Variants in PRCP observed in about 807,000 individuals in gnomAD.
PRCP encodes lysosomal Pro-X carboxypeptidase.
In PRCP, 46 loss-of-function variants were observed where a neutral mutation model predicts 54.2. The observed-to-expected ratio is 0.85, with a 90% CI of 0.67 to 1.09. PRCP has a LOEUF of 1.09. Among genes scored for constraint, PRCP ranks in the 50% least tolerant of loss-of-function variants. PRCP has a pLI of 0.00. For synonymous variants in PRCP, 240 were observed against 212.2 expected, an observed-to-expected ratio of 1.13 and a Z score of -1.14; for missense variants, 613 against 596.8, an observed-to-expected ratio of 1.03 and a Z score of -0.28.
chr11:82,898,844 G>A (rs1308455222), intron 1 of PRCP, among the ~76,000 whole-genome samples: 3 of 152,154 alleles, frequency 2.0e-5, no homozygotes, highest in African/African-American at 4.8e-5. Flanking sequence ...AAATGTCTGG[G>A]TTAAAAATTG....
At chr11:82,882,854 A>AACACACACACACACAC (rs3222274) in intron 1 of PRCP, among the ~76,000 whole-genome samples, 2 of 71,986 alleles carry the variant, frequency 2.8e-5, no homozygotes, top group Non-Finnish European at 5.3e-5. Context: ...CTACCTGTGC[A>AACACACACACACACAC]ACACACACAC....
intron 1 of PRCP, among the ~76,000 whole-genome samples, chr11:82,881,024 A>G (rs1859737797): frequency 6.6e-6 from 1 of 152,170 alleles, no homozygotes; most frequent in Admixed American, 6.5e-5. Flanking sequence ...GCAACACTTT[A>G]TACTCATAGT....
intron 1 of PRCP, among the ~76,000 whole-genome samples, chr11:82,861,730 G>A (rs776588474): frequency 3.3e-5 from 5 of 152,150 alleles, no homozygotes; most frequent in Non-Finnish European, 7.4e-5. Context: ...CATTTTACAA[G>A]ACAATTGACA....
chr11:82,886,046 A>G lies in PRCP; in HGVS notation c.168+14189T>C, dbSNP rs568286599. ...AAAATAACTCATAGAGTTATTTTAG[A>G]AGTTTTCATAGTCCCCTTCTGATGC... On this transcript the variant is annotated intron_variant, in intron 1 of 8. Coordinates refer to ENST00000313010, the MANE Select transcript of PRCP (RefSeq NM_005040.4). Among the ~76,000 whole-genome samples the G allele has an allele frequency of 9.8e-5, 15 of 152,322 alleles. No homozygotes were observed. The East Asian group carries it at 2.9e-3, about 29-fold the overall frequency.
rs773906375 is a variant in PRCP at position 82,849,149 on chromosome 11, T to G, written c.821A>C (p.His274Pro). Residue 274 changes from histidine to proline, a missense_variant, in exon 6 of 9, where the codon CAT (histidine) becomes CCT (proline). His to Pro is a moderately conservative substitution (Grantham distance 77, BLOSUM62 -2). Transcript: ENST00000313010. ...CSPLTSQDIQHLKDWISETWV... is the reference protein window; with the variant it reads ...CSPLTSQDIQPLKDWISETWV... ...GGTTTCAGAGATCCAGTCTTTCAAA[T>G]GTTGGATGTCCTGAGAAGTTAATGG... 1 of 1,614,094 alleles carries G rather than the reference T, an allele frequency of 6.2e-7. No individual in the cohort carries two copies. Among genetic ancestry groups the G allele is most frequent in the Non-Finnish European group, 8.5e-7 (1 of 1,179,970 alleles).
At chr11:82,841,543 G>T (rs540498157) in intron 6 of PRCP, among the ~76,000 whole-genome samples, 1 of 152,170 alleles carries the variant, frequency 6.6e-6, no homozygotes, top group Non-Finnish European at 1.5e-5. Flanking sequence ...AAGATGGAGT[G>T]TGCATCATTG....
intron 2 of PRCP, among the ~76,000 whole-genome samples, chr11:82,854,981 G>A (rs1254464403): frequency 6.6e-6 from 1 of 152,172 alleles, no homozygotes; most frequent in African/African-American, 2.4e-5. Context: ...GCAGAAGATT[G>A]AAACTGGACC....
chr11:82,900,725 C>T, upstream of PRCP: 1 of 526,870 alleles, frequency 1.9e-6, no homozygotes, highest in East Asian at 4.9e-5. Flanking sequence ...GTAGCCCATG[C>T]TTTATCTATA....
At position 82,839,363 on chromosome 11, in the gene PRCP, G is replaced by T; in HGVS notation, c.984C>A (p.Phe328Leu). Residue 328 changes from phenylalanine (F) to leucine (L), a missense_variant, in exon 7 of 9, where the codon TTC (phenylalanine) becomes TTA (leucine). Transcript: ENST00000313010. ...VSDSLLLQNI[F>L]QALNVYYNYS... ...AATTGTAATATACATTCAGAGCTTGGAAAATATTCTGCAGCAGCAGTGAAT... is the reference window on the plus strand; with the variant it reads ...AATTGTAATATACATTCAGAGCTTGTAAAATATTCTGCAGCAGCAGTGAAT... The T allele has an allele frequency of 6.2e-7, 1 of 1,613,778 alleles. No homozygotes were observed. Among genetic ancestry groups the T allele is most frequent in the Non-Finnish European group, 8.5e-7 (1 of 1,179,796 alleles).
intron 8 of PRCP, chr11:82,830,627 C>CAAAAAAA (rs35851740): frequency 5.4e-5 from 1 of 18,642 alleles, no homozygotes; most frequent in South Asian, 3.2e-3. Context: ...GACTCCATCT[C>CAAAAAAA]AAAAAAAAAA....
In PRCP at chr11:82,824,960, T is replaced by C. The variant is rs1490559478; in HGVS notation, c.1437A>G (p.Arg479=). 11 of 1,614,140 alleles carry C rather than the reference T, an allele frequency of 6.8e-6. No individual in the cohort carries two copies. Among genetic ancestry groups the C allele is most frequent in the South Asian group, 1.1e-5 (1 of 91,082 alleles). The part of the protein sequence containing the change: ...SVLLARSLEV[R]HMKNWIRDFY... ...AATCTCTGATCCAATTCTTCATATG[T>C]CTAACTTCCAAGGAGCGGGCTAACA... The change falls in exon 9 of 9, where the codon AGA becomes AGG. Residue 479 remains arginine (R), a synonymous_variant. Coordinates refer to ENST00000313010, the MANE Select transcript of PRCP (RefSeq NM_005040.4).
chr11:82,832,400 C>A (rs1230802291), intron 8 of PRCP, among the ~76,000 whole-genome samples: 1 of 152,208 alleles, frequency 6.6e-6, no homozygotes, highest in African/African-American at 2.4e-5. Context: ...GCCATTCTAA[C>A]TGGCGTGAAA....
At chr11:82,831,197 C>T (rs1017202256) in intron 8 of PRCP, 6 of 151,954 alleles carry the variant, frequency 3.9e-5, no homozygotes, top group Admixed American at 6.6e-5. Flanking sequence ...CTCAGGGACT[C>T]CCTTTTGGAT....
intron 1 of PRCP, among the ~76,000 whole-genome samples, chr11:82,862,097 A>G (rs1040045227): frequency 6.6e-6 from 1 of 152,186 alleles, no homozygotes; most frequent in African/African-American, 2.4e-5. Context: ...ATCCAAAAAA[A>G]AATCCAAAAT....
chr11:82,850,865 A>G (rs931762987), intron 3 of PRCP, among the ~76,000 whole-genome samples: 2 of 152,240 alleles, frequency 1.3e-5, no homozygotes, highest in African/African-American at 4.8e-5. Context: ...CCACACAGGC[A>G]AATATAAACT....
chr11:82,869,385 G>A, intron 1 of PRCP, among the ~76,000 whole-genome samples: 4 of 143,802 alleles, frequency 2.8e-5, no homozygotes, highest in Non-Finnish European at 4.6e-5. Context: ...AAGAAAAGAA[G>A]AAAAGAAAGA....
intron 6 of PRCP, chr11:82,846,220 A>G (rs1858805181): frequency 6.6e-6 from 1 of 152,166 alleles, no homozygotes; most frequent in Non-Finnish European, 1.5e-5. Context: ...GAACTATCCA[A>G]GTGAAAGAGC....
At chr11:82,838,365 T>G in intron 8 of PRCP, 22 bp downstream of exon 8, 1 of 1,588,766 alleles carries the variant, frequency 6.3e-7, no homozygotes, top group Non-Finnish European at 8.6e-7. Context: ...CTGAAGTTTA[T>G]CTTTGGACAG....
chr11:82,850,465 A>G lies in PRCP; in HGVS notation c.452T>C (p.Leu151Pro), dbSNP rs1858929216. 3.1e-6 allele frequency: 5 copies of G among 1,596,826 alleles called. No homozygotes were observed. The highest frequency in any genetic ancestry group is 3.4e-6 in the Non-Finnish European group (4 of 1,170,594). ...TTTGATTAACTCTGCAAAATCAGCC[A>G]GAGCTTGTTCTGATGTCAGGAAATT... Reference protein sequence around the residue: ...HLNFLTSEQALADFAELIKHL... With the variant: ...HLNFLTSEQAPADFAELIKHL... The change falls in exon 4 of 9, where the codon CTG becomes CCG. Residue 151 changes from leucine to proline, a missense_variant. Transcript: ENST00000313010.
Sources: allele counts gnomAD v4.1 joint callset (sites outside exome capture counted in the v4.1 genomes callset), GRCh38; gene constraint gnomAD v4.1.1; transcripts MANE v1.5; gene names NCBI Gene and HGNC (gene_info 2026-07-23, HGNC 2026-07-21).